The following GPBP1 variants were observed in gnomAD, a reference collection of about 807,000 sequenced individuals.
GPBP1 encodes the protein vasculin.
GPBP1 carries 13 observed loss-of-function variants against 56.5 expected under a neutral mutation model. The ratio of observed to expected loss-of-function variants is 0.23; its 90% confidence interval spans 0.15 to 0.37. The LOEUF is 0.37. Among genes scored for constraint, GPBP1 ranks in the 10% least tolerant of loss-of-function variants. GPBP1 has a pLI of 1.00. For synonymous variants in GPBP1, 204 were observed against 188.9 expected (o/e 1.08, Z -0.66); for missense variants, 477 against 572.3 (o/e 0.83, Z 1.70).
At chr5:57,187,839 A>T (rs1754356964) in intron 2 of GPBP1, among the ~76,000 whole-genome samples, 3 of 152,018 alleles carry the variant, frequency 2.0e-5, no homozygotes, top group Admixed American at 1.3e-4. Context: ...TATGAATTGG[A>T]GGACATAGGT....
At chr5:57,255,280 A>G (rs1211539631) in intron 10 of GPBP1, among the ~76,000 whole-genome samples, 1 of 151,842 alleles carries the variant, frequency 6.6e-6, no homozygotes, top group Non-Finnish European at 1.5e-5. Flanking sequence ...TCTTATTCCA[A>G]ATAATGCTGT....
At chr5:57,184,487 G>T (rs1754200396) in intron 2 of GPBP1, among the ~76,000 whole-genome samples, 1 of 152,038 alleles carries the variant, frequency 6.6e-6, no homozygotes, top group African/African-American at 2.4e-5. Flanking sequence ...AGAGTGAGGT[G>T]AGGGGGGAGG....
intron 3 of GPBP1, among the ~76,000 whole-genome samples, chr5:57,227,413 C>G (rs568647798): frequency 1.3e-5 from 2 of 152,212 alleles, no homozygotes; most frequent in East Asian, 3.9e-4. Flanking sequence ...AGGCTAGTCT[C>G]AAGCTCCTGA....
At chr5:57,261,095 A>G in intron 10 of GPBP1, 85 bp from the exon 11 acceptor site, 1 of 861,262 alleles carries the variant, frequency 1.2e-6, no homozygotes, top group African/African-American at 1.7e-5. Context: ...ATCCTGGTGG[A>G]TCATGTTTTC....
chr5:57,212,092 G>A (rs1350027189), intron 2 of GPBP1, among the ~76,000 whole-genome samples: 3 of 151,704 alleles, frequency 2.0e-5, no homozygotes, highest in African/African-American at 2.4e-5. Context: ...GCCCACCACC[G>A]TGCCCTGCTA....
chr5:57,233,745 G>C (rs1756556335), intron 5 of GPBP1, among the ~76,000 whole-genome samples: 1 of 152,178 alleles, frequency 6.6e-6, no homozygotes, highest in African/African-American at 2.4e-5. Flanking sequence ...AGGTGGCACA[G>C]ATGGAAGAAA....
chr5:57,179,375 G>T (rs934240841), intron 2 of GPBP1, among the ~76,000 whole-genome samples: 1 of 151,880 alleles, frequency 6.6e-6, no homozygotes, highest in Non-Finnish European at 1.5e-5. Flanking sequence ...TTGAGACAGG[G>T]TCTCGCTCTC....
At chr5:57,218,064 GA>G (rs202216781) in intron 3 of GPBP1, among the ~76,000 whole-genome samples, 5 of 147,934 alleles carry the variant, frequency 3.4e-5, no homozygotes, top group South Asian at 2.1e-4. Flanking sequence ...CTGTGTAAAA[GA>G]AAAAAAAACA....
chr5:57,219,422 A>AC lies in GPBP1; in HGVS notation c.63+5229_63+5230insC, dbSNP rs1554067262. 9.8e-4 allele frequency among the ~76,000 whole-genome samples: 142 copies of AC among 145,128 alleles called. 19 individuals carry two copies. The highest frequency in any genetic ancestry group is 3.2e-3 in the South Asian group (15 of 4,674). On this transcript the variant is annotated intron_variant, in intron 3 of 11. Coordinates refer to ENST00000506184, the MANE Select transcript of GPBP1 (RefSeq NM_022913.4). Reference sequence around the variant, plus strand: ...AAAAAAACCAAAAACAAACAAACAAAAAAAAAAACAACAAAACCACACACA... The same window carrying AC: ...AAAAAAACCAAAAACAAACAAACAAACAAAAAAAACAACAAAACCACACACA...
chr5:57,225,895 T>C (rs1288308254), intron 3 of GPBP1, among the ~76,000 whole-genome samples: 1 of 152,216 alleles, frequency 6.6e-6, no homozygotes, highest in African/African-American at 2.4e-5. Context: ...ATTTGAACAC[T>C]CAGATCCATA....
chr5:57,185,251 G>T (rs1275247065), intron 2 of GPBP1, among the ~76,000 whole-genome samples: 1 of 147,214 alleles, frequency 6.8e-6, no homozygotes, highest in African/African-American at 2.5e-5. Context: ...ACCATCTTTG[G>T]TTAGGTCTTT....
At chr5:57,245,301 G>C (rs1468656029) in intron 6 of GPBP1, among the ~76,000 whole-genome samples, 1 of 152,126 alleles carries the variant, frequency 6.6e-6, no homozygotes, top group Non-Finnish European at 1.5e-5. Context: ...AATAGGTGAA[G>C]CACCATACCG....
chr5:57,197,421 C>A (rs894248519), intron 2 of GPBP1, among the ~76,000 whole-genome samples: 1 of 133,448 alleles, frequency 7.5e-6, no homozygotes, highest in Non-Finnish European at 1.5e-5. Context: ...TGCATTGGTG[C>A]GATCTTAGCT....
intron 6 of GPBP1, among the ~76,000 whole-genome samples, chr5:57,243,811 A>C (rs1171436511): frequency 1.3e-5 from 2 of 151,776 alleles, no homozygotes; most frequent in Non-Finnish European, 2.9e-5. Flanking sequence ...CAGCCCCCCA[A>C]GTAGCTAAGA....
At position 57,176,163 on chromosome 5, in the gene GPBP1, A is replaced by G. The variant is rs1037649107; in HGVS notation, c.-295A>G. The G allele has an allele frequency of 2.5e-6, 1 of 395,616 alleles. No homozygotes were observed. Among genetic ancestry groups the G allele is most frequent in the East Asian group, 3.6e-5 (1 of 27,884 alleles). 24.5% of individuals were successfully genotyped at this position (395,616 alleles called of 1,614,324 possible). ...CAGTGGCAAGTACATGGAATAATAA[A>G]GAAGACTTTGATCTTAAATCTAAAG... is the stretch of plus-strand genomic sequence containing the variant. On this transcript the variant is annotated 5_prime_UTR_variant, in exon 2 of 12. Coordinates refer to ENST00000506184, the MANE Select transcript of GPBP1 (RefSeq NM_022913.4).
chr5:57,245,153 C>T (rs1741031910), intron 6 of GPBP1, among the ~76,000 whole-genome samples: 1 of 152,034 alleles, frequency 6.6e-6, no homozygotes, highest in African/African-American at 2.4e-5. Flanking sequence ...TTTTTTAGCC[C>T]TTTATATTGG....
At chr5:57,209,095 G>C (rs1430221368) in intron 2 of GPBP1, among the ~76,000 whole-genome samples, 1 of 152,140 alleles carries the variant, frequency 6.6e-6, no homozygotes, top group African/African-American at 2.4e-5. Flanking sequence ...TGCGAATTGA[G>C]TTGTTTTCCT....
At chr5:57,183,926 C>T (rs1754176140) in intron 2 of GPBP1, among the ~76,000 whole-genome samples, 1 of 152,080 alleles carries the variant, frequency 6.6e-6, no homozygotes, top group East Asian at 1.9e-4. Flanking sequence ...CAGGTGAGTG[C>T]TGCCATGTCC....
chr5:57,189,662 A>AT (rs1015280832), intron 2 of GPBP1, among the ~76,000 whole-genome samples: 12 of 152,200 alleles, frequency 7.9e-5, no homozygotes, highest in African/African-American at 2.9e-4. Flanking sequence ...TAAAAATGAT[A>AT]TTCGATTGTG....
Sources: allele counts gnomAD v4.1 joint callset (sites outside exome capture counted in the v4.1 genomes callset), GRCh38; gene constraint gnomAD v4.1.1; transcripts MANE v1.5; gene names NCBI Gene and HGNC (gene_info 2026-07-23, HGNC 2026-07-21).